SRCAP: variants seen among roughly 807,000 people sequenced by gnomAD.
SRCAP encodes Snf2 related CREBBP activator protein.
Under a neutral mutation model 263.1 loss-of-function variants are expected in SRCAP, and 46 were observed. The ratio of observed to expected loss-of-function variants is 0.17; its 90% CI spans 0.14 to 0.22. SRCAP has a LOEUF of 0.22. Ranked by LOEUF, SRCAP falls within the 10% of genes least tolerant of loss-of-function variation. The pLI, the probability that SRCAP is intolerant of heterozygous loss-of-function variation, is 1.00. For missense variants in SRCAP, 3,695 were observed against 4,181.9 expected (o/e 0.88, Z 3.21); for synonymous variants, 1,813 against 1,662.1 (o/e 1.09, Z -2.21).
chr16:30,732,449 C>G (rs1359055685), intron 27 of SRCAP, among the ~76,000 whole-genome samples: 1 of 147,582 alleles, frequency 6.8e-6, no homozygotes, highest in East Asian at 2.0e-4. Flanking sequence ...AAAACTCTGT[C>G]TCAAAAAAAA....
chr16:30,717,083 C>G (rs981984504), intron 18 of SRCAP, among the ~76,000 whole-genome samples: 9 of 152,144 alleles, frequency 5.9e-5, no homozygotes, highest in Admixed American at 5.2e-4. Context: ...CACAAGTGTT[C>G]TAATTTCTCC....
intron 1 of SRCAP, 111 bp downstream of exon 1, chr16:30,699,353 G>C (rs1379565677): frequency 2.5e-6 from 1 of 395,624 alleles, no homozygotes; most frequent in East Asian, 3.6e-5. Context: ...CCTCCTGCGG[G>C]TTCACACTGC....
intron 25 of SRCAP, chr16:30,725,603 C>T (rs2053056701): frequency 6.5e-6 from 1 of 153,668 alleles, no homozygotes; most frequent in African/African-American, 2.4e-5. Flanking sequence ...CCACCAGTGC[C>T]ATTGACTCCA....
intron 18 of SRCAP, 121 bp from the exon 19 acceptor site, chr16:30,720,041 T>C: frequency 9.5e-7 from 1 of 1,047,644 alleles, no homozygotes. Flanking sequence ...TGAGTACATG[T>C]GGTATTTGGT....
intron 18 of SRCAP, among the ~76,000 whole-genome samples, chr16:30,718,271 G>A (rs2052973435): frequency 6.6e-6 from 1 of 152,026 alleles, no homozygotes; most frequent in Admixed American, 6.5e-5. Context: ...CTGCCTCCCG[G>A]GTTCAAGTGA....
In SRCAP at chr16:30,712,270, G is replaced by A. The variant is rs770822362; in HGVS notation, c.1824G>A (p.Thr608=). ...GYTLATTQVK[T]PIPLLLRGQL... ...TATTTCCTCTCTGACAGGTAAAGAC[G>A]CCCATTCCCCTGCTTCTGCGGGGCC... Residue 608 remains threonine, a synonymous_variant, in exon 13 of 34, where the codon ACG becomes ACA. Coordinates refer to ENST00000262518, the MANE Select transcript of SRCAP (RefSeq NM_006662.3). The A allele has an allele frequency of 1.3e-5, 21 of 1,595,018 alleles. No homozygotes were observed. The highest frequency in any genetic ancestry group is 1.5e-5 in the Non-Finnish European group (18 of 1,170,520).
rs147999557 is a variant in SRCAP, at chr16:30,734,601, C to T, written c.6715C>T (p.His2239Tyr). ...AGAGACTGTGGCCAGCAAGCAGACT[C>T]ATATTCTGGAGCAGGTAAAAAAAGA... is the stretch of plus-strand genomic sequence containing the variant. Reference protein sequence around the residue: ...EEETVASKQTHILEQALCRAE... With the variant: ...EEETVASKQTYILEQALCRAE... Residue 2239 changes from histidine (H) to tyrosine (Y), a missense_variant, in exon 31 of 34, where the codon CAT becomes TAT. This residue lies in a region of SRCAP where 53 missense variants were observed against 45.6 expected (regional missense o/e 1.16). Coordinates refer to ENST00000262518, the MANE Select transcript of SRCAP (RefSeq NM_006662.3). The T allele has an allele frequency of 6.8e-5, 110 of 1,613,896 alleles. No homozygotes were observed. Among genetic ancestry groups the T allele is most frequent in the Middle Eastern group, 3.3e-4 (2 of 6,084 alleles).
At chr16:30,703,149 C>CTATATATATATATATATATATA (rs368190667) in intron 3 of SRCAP, among the ~76,000 whole-genome samples, 1 of 143,368 alleles carries the variant, frequency 7.0e-6, no homozygotes, top group African/African-American at 2.6e-5. Flanking sequence ...AAATCATATG[C>CTATATATATATATATATATATA]TATATATATA....
rs1304907774 is a variant in SRCAP at position 30,737,494 on chromosome 16, C to T, written c.7454C>T (p.Pro2485Leu). The change falls in exon 34 of 34, where the codon CCT becomes CTT. Residue 2485 changes from proline (P) to leucine (L), a missense_variant. Physicochemically the swap from Pro to Leu is moderately conservative, Grantham distance 98. Transcript: ENST00000262518. ...CTCCCTGTCCATATCTTGCCTTCTC[C>T]TCCCCCTCCTTCACAGATTCCTCCT... ...TILPVHILPS[P>L]PPPSQIPPCS... is the part of the protein sequence containing the mutation. The T allele has an allele frequency of 3.1e-6, 5 of 1,597,186 alleles. No homozygotes were observed. The highest frequency in any genetic ancestry group is 1.7e-5 in the Admixed American group (1 of 59,304).
chr16:30,720,695 C>G lies in SRCAP; in HGVS notation c.2988-18C>G. On this transcript the variant is annotated intron_variant, in intron 19 of 33. Transcript: ENST00000262518. ...TTCTCCTTCTGTCCCTACCCACTCT[C>G]TTAATTTTTTCTCACAGGATGCTGC... 6.3e-7 allele frequency: 1 copy of G among 1,577,318 alleles called. No homozygotes were observed.
In SRCAP at chr16:30,729,407, C is replaced by G; in HGVS notation, c.5962C>G (p.Pro1988Ala). The G allele has an allele frequency of 1.2e-6, 2 of 1,614,188 alleles. No homozygotes were observed. Among genetic ancestry groups the G allele is most frequent in the Non-Finnish European group, 1.7e-6 (2 of 1,180,042 alleles). ...CATGCCTCCTGTGGAGGCACCTCCC[C>G]CTTCCCTGCATGCCTGCCACCCACC... Reference protein sequence around the residue: ...FVMPPVEAPPPSLHACHPPPW... With the variant: ...FVMPPVEAPPASLHACHPPPW... Residue 1988 changes from proline (P) to alanine (A), a missense_variant, in exon 27 of 34, where the codon CCT (proline) becomes GCT (alanine). Physicochemically the swap from Pro to Ala is conservative, Grantham distance 27 (BLOSUM62 -1). Coordinates refer to ENST00000262518, the MANE Select transcript of SRCAP (RefSeq NM_006662.3).
At chr16:30,723,283 G>C in intron 24 of SRCAP, 54 bp downstream of exon 24, 1 of 1,545,062 alleles carries the variant, frequency 6.5e-7, no homozygotes, top group Non-Finnish European at 8.7e-7. Context: ...AGACGAGATG[G>C]GGTCGCCTCA....
In SRCAP at chr16:30,710,754, A is replaced by G. The variant is rs553186468; in HGVS notation, c.1135A>G (p.Ile379Val). Residue 379 changes from isoleucine (I) to valine (V), a missense_variant and splice_region_variant, in exon 9 of 34, where the codon ATA becomes GTA. Physicochemically the swap from Ile to Val is conservative, Grantham distance 29 (BLOSUM62 3). Coordinates refer to ENST00000262518, the MANE Select transcript of SRCAP (RefSeq NM_006662.3). ...AEEEPPQVLE[I>V]KPPPSAVTQR... ...CCCTTTTTTATCTTTTGCCATACAG[A>G]TAAAGCCCCCACCCTCTGCTGTCAC... The G allele has an allele frequency of 1.9e-6, 3 of 1,614,172 alleles. No homozygotes were observed. Among genetic ancestry groups the G allele is most frequent in the East Asian group, 2.2e-5 (1 of 44,888 alleles).
Position 30,729,420 on chromosome 16 carries a change from C to T in SRCAP, c.5975C>T (p.Ala1992Val), listed in dbSNP as rs1346357941. The stretch of plus-strand genomic sequence containing the variant: ...GAGGCACCTCCCCCTTCCCTGCATG[C>T]CTGCCACCCACCTCCTTGGCTGGCC... ...PVEAPPPSLH[A>V]CHPPPWLAPR... The change falls in exon 27 of 34, where the codon GCC becomes GTC. Residue 1992 changes from alanine (A) to valine (V), a missense_variant. By Grantham distance (64) the Ala-to-Val change is moderately conservative (BLOSUM62 0). This residue lies in a region of SRCAP where 1,347 missense variants were observed against 1,304.4 expected (regional missense o/e 1.03). Transcript: ENST00000262518. The T allele has an allele frequency of 1.2e-6, 2 of 1,614,096 alleles. No homozygotes were observed. Among genetic ancestry groups the T allele is most frequent in the East Asian group, 2.2e-5 (1 of 44,896 alleles).
In SRCAP at chr16:30,739,506, C is replaced by T. The variant is rs777257965; in HGVS notation, c.9466C>T (p.Arg3156Cys). 3.8e-5 allele frequency: 62 copies of T among 1,613,030 alleles called. No individual in the cohort carries two copies. In the South Asian group the frequency reaches 4.4e-4, roughly 11 times the overall value. ...GAGTCCTGGGCTGGCAAAGCGGGGC[C>T]GCCTACAGCCCCCAAGTCCCCTGGG... The part of the protein sequence containing the change: ...GGSPGLAKRG[R>C]LQPPSPLGPE... Residue 3156 changes from arginine (R) to cysteine (C), a missense_variant, in exon 34 of 34, where the codon CGC (arginine) becomes TGC (cysteine). Arg to Cys is a radical substitution (Grantham distance 180). Around this residue, in one of 12 missense-constraint regions of SRCAP, gnomAD observed 1,207 missense variants for 1,142.9 expected, o/e 1.06. Transcript: ENST00000262518.
rs765498422 is a variant in SRCAP, at chr16:30,710,595, G to A, written c.1135-159G>A. The A allele has an allele frequency of 5.8e-6, 5 of 859,974 alleles. 1 individual carries two copies. The South Asian group carries it at 6.6e-5, about 11-fold the overall frequency. The allele number at this position is 859,974 out of a possible 1,614,324, so 53.3% of individuals were successfully genotyped here. A position where few individuals can be genotyped will look rare whatever the true frequency, so the allele number is the denominator to read the frequency against. ...GGGCCAGGATTTGGTAGCTGGTGCTGAGAGAAAACCCTTGATTGTATTCTT... is the reference window on the plus strand; with the variant it reads ...GGGCCAGGATTTGGTAGCTGGTGCTAAGAGAAAACCCTTGATTGTATTCTT... On this transcript the variant is annotated intron_variant, in intron 8 of 33. Coordinates refer to ENST00000262518, the MANE Select transcript of SRCAP (RefSeq NM_006662.3).
chr16:30,722,078 A>G (rs2151293201), intron 21 of SRCAP, 44 bp from the exon 22 acceptor site: 1 of 1,586,430 alleles, frequency 6.3e-7, no homozygotes, highest in Non-Finnish European at 8.6e-7. Flanking sequence ...AGTGGTGTTG[A>G]GCAGGATGAG....
chr16:30,733,064 G>A lies in SRCAP; in HGVS notation c.6128-216G>A, dbSNP rs921263640. The stretch of plus-strand genomic sequence containing the variant: ...TTGGCCAGGCTGGTCTTGAACTCCC[G>A]ACTTAAAGTGATCCACCTGCCTCAG... On this transcript the variant is annotated intron_variant, in intron 27 of 33. Transcript: ENST00000262518. This position sits in a 1 kb window ranked among gnomAD's most constrained non-coding sequence, Gnocchi z 5.3. 6.6e-6 allele frequency among the ~76,000 whole-genome samples: 1 copy of A among 152,168 alleles called. No homozygotes were observed. The highest frequency in any genetic ancestry group is 1.5e-5 in the Non-Finnish European group (1 of 68,036).
Position 30,737,829 on chromosome 16 carries a change from GAGA to G in SRCAP, c.7794_7796del (p.Lys2598del). 1 of 1,614,194 alleles carries G rather than the reference GAGA, an allele frequency of 6.2e-7. No individual in the cohort carries two copies. On this transcript the variant is annotated inframe_deletion, in exon 34 of 34. Transcript: ENST00000262518. ...TGCTGTGGAGATCCTGCCTGTGTCA[GAGA>G]AGAACCTTTCTCTCACCCCTTCTGC...
Sources: allele counts gnomAD v4.1 joint callset (sites outside exome capture counted in the v4.1 genomes callset), GRCh38; gene constraint gnomAD v4.1.1; regional missense constraint gnomAD v4.1.1; non-coding constraint Gnocchi (gnomAD v3.1); transcripts MANE v1.5; gene names NCBI Gene and HGNC (gene_info 2026-07-23, HGNC 2026-07-21).